The following TMEM245 variants were observed in gnomAD, a reference collection of about 807,000 sequenced individuals.
The protein encoded by TMEM245 is transmembrane protein 245, also known as protein CG-2.
In TMEM245, 69 loss-of-function variants were observed where a neutral mutation model predicts 101.2. The ratio of observed to expected loss-of-function variants is 0.68; its 90% confidence interval spans 0.56 to 0.83. The LOEUF (loss-of-function observed/expected upper bound fraction) is 0.83. Among genes scored for constraint, TMEM245 ranks in the 40% least tolerant of loss-of-function variants. TMEM245 has a pLI of 0.00. For missense variants in TMEM245, 1,075 were observed against 1,092.8 expected, an observed-to-expected ratio of 0.98 and a Z score of 0.23; for synonymous variants, 537 against 449.8, an observed-to-expected ratio of 1.19 and a Z score of -2.45.
chr9:109,118,015 C>T (rs1202983289), intron 1 of TMEM245, among the ~76,000 whole-genome samples: 1 of 152,352 alleles, frequency 6.6e-6, no homozygotes. Context: ...GACTTTGGAC[C>T]AATCACATTC....
intron 8 of TMEM245, among the ~76,000 whole-genome samples, chr9:109,080,331 G>A (rs1430661501): frequency 3.3e-5 from 5 of 151,802 alleles, no homozygotes; most frequent in African/African-American, 1.2e-4. Context: ...AACATTTTAG[G>A]TGTTCTTTAG....
At chr9:109,096,322 C>T (rs900046471) in intron 3 of TMEM245, among the ~76,000 whole-genome samples, 1 of 152,120 alleles carries the variant, frequency 6.6e-6, no homozygotes, top group Non-Finnish European at 1.5e-5. Context: ...ACTAAAAACA[C>T]AAAAATTAGC....
chr9:109,087,230 A>G lies in TMEM245; in HGVS notation c.1263T>C (p.Ala421=). Residue 421 remains alanine (A), a synonymous_variant, in exon 6 of 18, where the codon GCT becomes GCC. Transcript: ENST00000374586. Reference sequence around the variant, plus strand: ...GCCCGACAATGGGCCAAGGCGCGAGAGCTCCCTGCCGCTCCTTCAGGAAGC... The same window carrying G: ...GCCCGACAATGGGCCAAGGCGCGAGGGCTCCCTGCCGCTCCTTCAGGAAGC... ...IESFLKERQG[A]LAPWPIVGLG... is the part of the protein sequence containing the mutation. The G allele has an allele frequency of 6.2e-7, 1 of 1,613,758 alleles. No homozygotes were observed. Among genetic ancestry groups the G allele is most frequent in the Non-Finnish European group, 8.5e-7 (1 of 1,179,902 alleles).
intron 11 of TMEM245, 24 bp from the exon 12 acceptor site, chr9:109,057,346 A>T: frequency 6.3e-7 from 1 of 1,599,498 alleles, no homozygotes; most frequent in Non-Finnish European, 8.5e-7. Context: ...CAGTGCAGAC[A>T]TGAAATTCCC....
chr9:109,118,911 AG>A (rs574707077), intron 1 of TMEM245, among the ~76,000 whole-genome samples: 1 of 152,138 alleles, frequency 6.6e-6, no homozygotes, highest in Non-Finnish European at 1.5e-5. Flanking sequence ...CAGGATGGCA[AG>A]TTGGCCTAGA....
rs1488285536 is a variant in TMEM245 at position 109,015,206 on chromosome 9, G to GA, written c.*5253dup. 4 of 151,210 alleles carry GA rather than the reference G, an allele frequency of 2.6e-5. No homozygotes were observed. The highest frequency in any genetic ancestry group is 9.6e-5 in the African/African-American group (4 of 41,534). 9.4% of individuals were successfully genotyped at this position (151,210 alleles called of 1,614,324 possible). On this transcript the variant is annotated 3_prime_UTR_variant, in exon 18 of 18. Coordinates refer to ENST00000374586, the MANE Select transcript of TMEM245 (RefSeq NM_032012.4). ...AATATAAATATTTCACATTAATAAA[G>GA]AAGTTACATCAGTAGGTTGTCAAAG...
chr9:109,060,061 T>G (rs1828963427), intron 11 of TMEM245, among the ~76,000 whole-genome samples: 1 of 152,196 alleles, frequency 6.6e-6, no homozygotes, highest in African/African-American at 2.4e-5. Flanking sequence ...AAATTTAACA[T>G]TACCTTATGT....
Position 109,119,691 on chromosome 9 carries a change from A to G in TMEM245, c.223T>C (p.Phe75Leu). 6.4e-7 allele frequency: 1 copy of G among 1,556,868 alleles called. No individual in the cohort carries two copies. Among genetic ancestry groups the G allele is most frequent in the Non-Finnish European group, 8.7e-7 (1 of 1,154,274 alleles). ...GGCCGCAGGAAGGCCTCCAGGATGAAGTAGACCAGCACCGCGGCGCCGCAG... is the reference window on the plus strand; with the variant it reads ...GGCCGCAGGAAGGCCTCCAGGATGAGGTAGACCAGCACCGCGGCGCCGCAG... ...LCCGAAVLVY[F>L]ILEAFLRPLL... is the part of the protein sequence containing the mutation. Residue 75 changes from phenylalanine (F) to leucine (L), a missense_variant, in exon 1 of 18, where the codon TTC becomes CTC. Around this residue, in one of 2 missense-constraint regions of TMEM245, gnomAD observed 808 missense variants for 741.5 expected, o/e 1.09. Coordinates refer to ENST00000374586, the MANE Select transcript of TMEM245 (RefSeq NM_032012.4).
Position 109,106,544 on chromosome 9 carries a change from T to C in TMEM245, c.763A>G (p.Thr255Ala). 6.2e-7 allele frequency: 1 copy of C among 1,612,414 alleles called. No individual in the cohort carries two copies. The highest frequency in any genetic ancestry group is 8.5e-7 in the Non-Finnish European group (1 of 1,179,008). The change falls in exon 3 of 18, where the codon ACC becomes GCC. Residue 255 changes from threonine (T) to alanine (A), a missense_variant. Around this residue, in one of 2 missense-constraint regions of TMEM245, gnomAD observed 808 missense variants for 741.5 expected, o/e 1.09. Transcript: ENST00000374586. ...TTTCCATTCTGTTTTTCATAGAGGG[T>C]ACCCACAGACATCAGGAAAACAATA... ...LVIVFLMSVG[T>A]LYEKQNGKES...
intron 1 of TMEM245, among the ~76,000 whole-genome samples, chr9:109,114,025 G>C (rs1220028546): frequency 6.6e-6 from 1 of 152,074 alleles, no homozygotes; most frequent in African/African-American, 2.4e-5. Flanking sequence ...GCGGTGAGCC[G>C]AGAACGCGCC....
chr9:109,074,661 G>A (rs72607170), intron 8 of TMEM245, among the ~76,000 whole-genome samples: 33,504 of 150,280 alleles, frequency 0.22, 4,527 homozygotes, highest in Admixed American at 0.3. Context: ...AAAGACTGAC[G>A]GTATTTTTCC....
intron 10 of TMEM245, among the ~76,000 whole-genome samples, chr9:109,061,885 A>C (rs1829024955): frequency 6.6e-6 from 1 of 152,072 alleles, no homozygotes; most frequent in Non-Finnish European, 1.5e-5. Context: ...CCTAATTTTT[A>C]GTGTCATGAG....
At chr9:109,095,389 T>TA (rs1442558414) in intron 3 of TMEM245, among the ~76,000 whole-genome samples, 1 of 152,160 alleles carries the variant, frequency 6.6e-6, no homozygotes, top group Non-Finnish European at 1.5e-5. Flanking sequence ...ATGGTTGCTA[T>TA]AAAAAGAAAT....
chr9:109,033,319 G>A lies in TMEM245; in HGVS notation c.2582C>T (p.Ala861Val), dbSNP rs1241981966. Reference protein sequence around the residue: ...VPTPNQTPWPAQPQRTFRDIS... With the variant: ...VPTPNQTPWPVQPQRTFRDIS... ...TGCTTTAACTCACCGCTGAGGCTGA[G>A]CAGGCCATGGGGTCTGGTTTGGCGT... The change falls in exon 17 of 18, where the codon GCT becomes GTT. Residue 861 changes from alanine to valine, a missense_variant. By Grantham distance (64) the Ala-to-Val change is moderately conservative. Coordinates refer to ENST00000374586, the MANE Select transcript of TMEM245 (RefSeq NM_032012.4). 1 of 1,608,926 alleles carries A rather than the reference G, an allele frequency of 6.2e-7. No homozygotes were observed. The highest frequency in any genetic ancestry group is 1.7e-5 in the Admixed American group (1 of 59,228).
At chr9:109,097,568 G>A (rs1173778815) in intron 3 of TMEM245, among the ~76,000 whole-genome samples, 1 of 152,184 alleles carries the variant, frequency 6.6e-6, no homozygotes, top group Non-Finnish European at 1.5e-5. Flanking sequence ...CTCCTCATGT[G>A]TAAAAATGAG....
chr9:109,108,835 C>G (rs1004464654), intron 1 of TMEM245, among the ~76,000 whole-genome samples: 1 of 151,930 alleles, frequency 6.6e-6, no homozygotes, highest in Non-Finnish European at 1.5e-5. Flanking sequence ...ATCTTATACA[C>G]AAAAATGCTT....
At chr9:109,107,802 G>A (rs1163810475) in intron 2 of TMEM245, among the ~76,000 whole-genome samples, 1 of 152,196 alleles carries the variant, frequency 6.6e-6, no homozygotes, top group East Asian at 1.9e-4. Flanking sequence ...TAAGTACCAC[G>A]CTGAAAAATC....
chr9:109,052,366 A>C (rs948098388), intron 12 of TMEM245, among the ~76,000 whole-genome samples: 1 of 152,254 alleles, frequency 6.6e-6, no homozygotes, highest in Non-Finnish European at 1.5e-5. Context: ...CAAAGCTAGT[A>C]AGTGGAACTA....
At chr9:109,108,358 T>C (rs1289226703) in intron 2 of TMEM245, 95 bp downstream of exon 2, 6 of 548,740 alleles carry the variant, frequency 1.1e-5, no homozygotes, top group South Asian at 6.5e-5. Context: ...ATGCAACATA[T>C]GACACTACAA....
Sources: gnomAD v4.1 joint callset for allele counts (sites outside exome capture counted in the v4.1 genomes callset) on GRCh38, gnomAD v4.1.1 for gene constraint, gnomAD v4.1.1 regional missense constraint, MANE v1.5 for transcripts, NCBI Gene and HGNC (gene_info 2026-07-23, HGNC 2026-07-21) for gene names.